The following PEX5L variants were observed in gnomAD, a reference collection of about 807,000 sequenced individuals.
PEX5L encodes PEX5-related protein.
Under a neutral mutation model 84.0 loss-of-function variants are expected in PEX5L, and 30 were observed. The ratio of observed to expected loss-of-function variants is 0.36; its 90% confidence interval spans 0.27 to 0.48. The LOEUF is 0.48. Ranked by LOEUF, PEX5L falls within the 20% of genes least tolerant of loss-of-function variation. The pLI is 0.99. For synonymous variants in PEX5L, 270 were observed against 283.1 expected, an observed-to-expected ratio of 0.95 and a Z score of 0.46; for missense variants, 533 against 754.6, an observed-to-expected ratio of 0.71 and a Z score of 3.44.
At chr3:179,870,835 A>C (rs1045090098) in intron 7 of PEX5L, among the ~76,000 whole-genome samples, 15 of 152,222 alleles carry the variant, frequency 9.9e-5, no homozygotes, top group Non-Finnish European at 1.5e-4. Context: ...GTGGAAAGAA[A>C]GTTCCTTTTA....
intron 2 of PEX5L, among the ~76,000 whole-genome samples, chr3:179,967,580 CA>C (rs1276399150): frequency 6.6e-6 from 1 of 152,126 alleles, no homozygotes; most frequent in African/African-American, 2.4e-5. Flanking sequence ...AGCCAGACTG[CA>C]AACCTGGTTC....
At chr3:179,904,142 AG>A (rs1012372062) in intron 2 of PEX5L, among the ~76,000 whole-genome samples, 13 of 152,204 alleles carry the variant, frequency 8.5e-5, no homozygotes, top group African/African-American at 3.1e-4. Flanking sequence ...ATAATGACAC[AG>A]GGTATTGAAA....
At chr3:179,912,074 G>T (rs1322480606) in intron 2 of PEX5L, among the ~76,000 whole-genome samples, 2 of 152,028 alleles carry the variant, frequency 1.3e-5, no homozygotes, top group African/African-American at 4.8e-5. Context: ...GTTCATAAAG[G>T]TATTGGATCA....
chr3:180,015,596 T>C (rs914331425), intron 1 of PEX5L, among the ~76,000 whole-genome samples: 1 of 152,060 alleles, frequency 6.6e-6, no homozygotes, highest in Non-Finnish European at 1.5e-5. Flanking sequence ...TAGTGAATTG[T>C]TCCTTAGTGT....
At chr3:179,956,795 AACGG>A (rs1780674030) in intron 2 of PEX5L, among the ~76,000 whole-genome samples, 1 of 152,208 alleles carries the variant, frequency 6.6e-6, no homozygotes, top group Non-Finnish European at 1.5e-5. Context: ...AGTGATGCTT[AACGG>A]TGCATCCGGG....
intron 2 of PEX5L, among the ~76,000 whole-genome samples, chr3:179,909,064 G>T (rs1764269602): frequency 6.6e-6 from 1 of 152,054 alleles, no homozygotes; most frequent in African/African-American, 2.4e-5. Context: ...TGGCTTAATT[G>T]TCTCTATGAG....
rs1718902579 is a variant in PEX5L at position 179,801,718 on chromosome 3, G to A, written c.*110C>T. 1.3e-6 allele frequency: 1 copy of A among 798,156 alleles called. No homozygotes were observed. Among genetic ancestry groups the A allele is most frequent in the African/African-American group, 1.7e-5 (1 of 58,158 alleles). 49.4% of individuals were successfully genotyped at this position (798,156 alleles called of 1,614,324 possible). On this transcript the variant is annotated 3_prime_UTR_variant, in exon 15 of 15. Coordinates refer to ENST00000467460, the MANE Select transcript of PEX5L (RefSeq NM_016559.3). ...TAATTTCCTTGGGCTATATGACCATGGCCTTTTGAATATTTGATTTATCCT... is the reference window on the plus strand; with the variant it reads ...TAATTTCCTTGGGCTATATGACCATAGCCTTTTGAATATTTGATTTATCCT...
chr3:179,854,601 G>T (rs952759518), intron 8 of PEX5L, among the ~76,000 whole-genome samples: 1 of 152,092 alleles, frequency 6.6e-6, no homozygotes, highest in African/African-American at 2.4e-5. Flanking sequence ...TTAAAATGGA[G>T]ATACAGTTAT....
chr3:179,825,034 T>A (rs368373484), intron 8 of PEX5L, among the ~76,000 whole-genome samples: 1 of 152,222 alleles, frequency 6.6e-6, no homozygotes, highest in African/African-American at 2.4e-5. Flanking sequence ...GAATTTCAAT[T>A]GGTCAGAATT....
intron 8 of PEX5L, among the ~76,000 whole-genome samples, chr3:179,824,495 C>T (rs925803575): frequency 2.6e-5 from 4 of 152,044 alleles, no homozygotes; most frequent in African/African-American, 7.2e-5. Flanking sequence ...CACCTGAGGT[C>T]GGGAGTTTGA....
chr3:179,971,789 T>C (rs1231446956), intron 1 of PEX5L, 124 bp from the exon 2 acceptor site: 7 of 946,284 alleles, frequency 7.4e-6, no homozygotes, highest in Non-Finnish European at 1.0e-5. Context: ...TCATTCTTTA[T>C]ATAAATTGCT....
At chr3:179,802,483 C>A (rs922378255) in intron 14 of PEX5L, among the ~76,000 whole-genome samples, 1 of 137,286 alleles carries the variant, frequency 7.3e-6, no homozygotes, top group Non-Finnish European at 1.5e-5. Flanking sequence ...TGCAGTGAGC[C>A]GAGATCACAC....
intron 2 of PEX5L, among the ~76,000 whole-genome samples, chr3:179,918,329 A>G (rs1479726833): frequency 2.0e-5 from 3 of 152,200 alleles, no homozygotes; most frequent in Non-Finnish European, 2.9e-5. Flanking sequence ...ATCTGGATAC[A>G]TTCATATTTT....
At chr3:179,866,532 T>C (rs1426246062) in intron 7 of PEX5L, among the ~76,000 whole-genome samples, 2 of 152,182 alleles carry the variant, frequency 1.3e-5, no homozygotes, top group African/African-American at 4.8e-5. Context: ...ACATAGGACA[T>C]AGTACGTGCT....
chr3:179,988,841 A>T (rs1522115), intron 1 of PEX5L, among the ~76,000 whole-genome samples: 1 of 152,078 alleles, frequency 6.6e-6, no homozygotes, highest in African/African-American at 2.4e-5. Context: ...AGCAGCACAA[A>T]GAATGGAATT....
chr3:179,821,993 C>A (rs753126457), intron 8 of PEX5L, among the ~76,000 whole-genome samples: 1 of 152,264 alleles, frequency 6.6e-6, no homozygotes, highest in South Asian at 2.1e-4. Flanking sequence ...ACAAAAATAT[C>A]TTTCCTTTTT....
At chr3:179,964,842 G>A (rs896946069) in intron 2 of PEX5L, among the ~76,000 whole-genome samples, 6 of 152,198 alleles carry the variant, frequency 3.9e-5, no homozygotes, top group African/African-American at 7.2e-5. Context: ...AGCACTTACC[G>A]CACGCTACGT....
At chr3:179,995,212 A>C (rs1300774503) in intron 1 of PEX5L, among the ~76,000 whole-genome samples, 1 of 148,060 alleles carries the variant, frequency 6.8e-6, no homozygotes, top group Admixed American at 6.8e-5. Context: ...GTATATATAC[A>C]CACACTATCT....
intron 2 of PEX5L, among the ~76,000 whole-genome samples, chr3:179,934,067 G>A (rs1773901557): frequency 6.6e-6 from 1 of 152,200 alleles, no homozygotes; most frequent in African/African-American, 2.4e-5. Context: ...ATTTGGCTTG[G>A]CGATTGATGA....
Sources: gnomAD v4.1 joint callset for allele counts (sites outside exome capture counted in the v4.1 genomes callset) on GRCh38, gnomAD v4.1.1 for gene constraint, MANE v1.5 for transcripts, NCBI Gene and HGNC (gene_info 2026-07-23, HGNC 2026-07-21) for gene names.